Variants in TP73 observed in about 807,000 individuals in gnomAD.
The protein encoded by TP73 is tumor protein p73.
Under a neutral mutation model 62.5 loss-of-function variants are expected in TP73, and 25 were observed. That is an observed-to-expected ratio of 0.40 (90% confidence interval 0.29 to 0.56). TP73 has a LOEUF of 0.56. Ranked by LOEUF, TP73 falls within the 20% of genes least tolerant of loss-of-function variation. The probability of loss-of-function intolerance (pLI) is 0.46; values close to 1 mark genes in which losing one functional copy is unlikely to be tolerated. For synonymous variants in TP73, 423 were observed against 377.5 expected (o/e 1.12, Z -1.40); for missense variants, 754 against 913.3 (o/e 0.83, Z 2.25).
chr1:3,725,425 GGGTA>G (rs1391776237), intron 6 of TP73, among the ~76,000 whole-genome samples: 1 of 149,240 alleles, frequency 6.7e-6, no homozygotes, highest in Admixed American at 6.7e-5. Context: ...ATGGATGGAT[GGGTA>G]GGTAGGTGGG....
Position 3,701,735 on chromosome 1 carries a change from C to T in TP73, c.187-5814C>T, listed in dbSNP as rs144979625. Among the ~76,000 whole-genome samples the T allele has an allele frequency of 1.0e-3, 157 of 152,292 alleles. 1 individual carries two copies. The highest frequency in any genetic ancestry group is 3.4e-3 in the African/African-American group (141 of 41,556). ...TATTGGCTAGGCCAGTCTTGAACTCCGGACCTCAGGTGATCCGCCTGCCTC... is the reference window on the plus strand; with the variant it reads ...TATTGGCTAGGCCAGTCTTGAACTCTGGACCTCAGGTGATCCGCCTGCCTC... On this transcript the variant is annotated intron_variant, in intron 3 of 13. Transcript: ENST00000378295. The surrounding 1 kb of genome is among the most constrained non-coding windows in gnomAD (Gnocchi z 4.7).
intron 1 of TP73, among the ~76,000 whole-genome samples, chr1:3,678,854 C>G (rs1645436602): frequency 6.6e-6 from 1 of 152,238 alleles, no homozygotes; most frequent in African/African-American, 2.4e-5. Flanking sequence ...TCCGGCTGGT[C>G]CACACGCCTG....
At chr1:3,685,206 A>C (rs1168951061) in intron 3 of TP73, among the ~76,000 whole-genome samples, 3 of 152,156 alleles carry the variant, frequency 2.0e-5, no homozygotes, top group Non-Finnish European at 4.4e-5. Context: ...GGACTCAGGG[A>C]GGCAGAAGGA....
chr1:3,719,638 A>G (rs2124465425), intron 4 of TP73, among the ~76,000 whole-genome samples: 1 of 152,286 alleles, frequency 6.6e-6, no homozygotes, highest in South Asian at 2.1e-4. Flanking sequence ...AGCTGTTCCC[A>G]TGTGCCCTGG....
In TP73 at chr1:3,730,145, G is replaced by A. The variant is rs751239958; in HGVS notation, c.1342G>A (p.Val448Met). ...SSAATPNLGP[V>M]GPGMLNNHGH... ...GGCAGCTACACCCAACCTGGGGCCC[G>A]TGGGTGAGTCCCTTGGGCAGTGCGG... Residue 448 changes from valine (V) to methionine (M), a missense_variant, in exon 11 of 14, where the codon GTG (valine) becomes ATG (methionine). Val to Met is a conservative substitution (Grantham distance 21). Around this residue, in one of 3 missense-constraint regions of TP73, gnomAD observed 458 missense variants for 528.7 expected, o/e 0.87. Transcript: ENST00000378295. 3.4e-5 allele frequency: 52 copies of A among 1,550,626 alleles called. 1 individual carries two copies. The Middle Eastern group carries it at 1.4e-3, about 40-fold the overall frequency.
At chr1:3,710,396 G>C (rs116577071) in intron 4 of TP73, among the ~76,000 whole-genome samples, 2 of 152,104 alleles carry the variant, frequency 1.3e-5, no homozygotes, top group South Asian at 2.1e-4. Context: ...GCAAGTGGTC[G>C]GCTCACAGTG....
chr1:3,711,919 T>C (rs980111981), intron 4 of TP73, among the ~76,000 whole-genome samples: 2 of 151,494 alleles, frequency 1.3e-5, no homozygotes, highest in Non-Finnish European at 2.9e-5. Context: ...GCTCCACGGG[T>C]AGGAAAGCCC....
intron 5 of TP73, among the ~76,000 whole-genome samples, chr1:3,722,905 G>T (rs1641200674): frequency 7.2e-6 from 1 of 139,058 alleles, no homozygotes; most frequent in Admixed American, 7.2e-5. Flanking sequence ...TCTGCACCTA[G>T]CACAGGAGTG....
intron 4 of TP73, among the ~76,000 whole-genome samples, chr1:3,716,965 A>G (rs1373577366): frequency 6.6e-6 from 1 of 152,156 alleles, no homozygotes; most frequent in Non-Finnish European, 1.5e-5. Context: ...ACGCACACAC[A>G]AGCAAGGGAA....
intron 1 of TP73, among the ~76,000 whole-genome samples, chr1:3,665,634 G>A (rs1645093532): frequency 6.7e-6 from 1 of 150,224 alleles, no homozygotes; most frequent in African/African-American, 2.5e-5. Flanking sequence ...TGACCCCTAG[G>A]TCCTTTGGTT....
intron 1 of TP73, among the ~76,000 whole-genome samples, chr1:3,678,571 C>T (rs1025998823): frequency 5.3e-5 from 8 of 152,378 alleles, no homozygotes; most frequent in South Asian, 2.1e-4. Context: ...TCGTGGCTTC[C>T]GGTTCAAGTT....
At chr1:3,714,414 C>A (rs1410354830) in intron 4 of TP73, 1 of 152,306 alleles carries the variant, frequency 6.6e-6, no homozygotes, top group Non-Finnish European at 1.5e-5. Flanking sequence ...CTGGGTTAAT[C>A]CTGGCTTCTC....
chr1:3,695,928 G>A (rs1638613672), intron 3 of TP73, among the ~76,000 whole-genome samples: 2 of 152,386 alleles, frequency 1.3e-5, no homozygotes, highest in Non-Finnish European at 2.9e-5. Context: ...GGATATGAGG[G>A]AAGGGGTGGG....
rs1397891519 is a variant in TP73 at position 3,670,696 on chromosome 1, G to GAAAAGA, written c.-33-11625_-33-11620dup. On this transcript the variant is annotated intron_variant, in intron 1 of 13. Coordinates refer to ENST00000378295, the MANE Select transcript of TP73 (RefSeq NM_005427.4). The surrounding 1 kb of genome is among the most constrained non-coding windows in gnomAD (Gnocchi z 5.9). ...AAATAAAATAAAATAAAAAAGATAGGAAAAGAAAAAGAAAAAGTGAGGAGA... is the reference window on the plus strand; with the variant it reads ...AAATAAAATAAAATAAAAAAGATAGGAAAAGAAAAAGAAAAAGAAAAAGTGAGGAGA... 6.6e-6 allele frequency among the ~76,000 whole-genome samples: 1 copy of GAAAAGA among 152,052 alleles called. No homozygotes were observed. The highest frequency in any genetic ancestry group is 1.5e-5 in the Non-Finnish European group (1 of 68,020).
intron 3 of TP73, among the ~76,000 whole-genome samples, chr1:3,703,440 C>T (rs1014052097): frequency 6.6e-6 from 1 of 152,174 alleles, no homozygotes; most frequent in Admixed American, 6.5e-5. Flanking sequence ...AGGACGGCAC[C>T]GAGAGGGCTT....
Position 3,663,707 on chromosome 1 carries a change from A to AAAG in TP73, c.-34+11068_-34+11069insGAA, listed in dbSNP as rs1553130327. Reference sequence around the variant, plus strand: ...CGAGACTCCATCTCAAAAAAAAAAAAAAAGAAAGAAAGAAAGGATACAGAC... The same window carrying AAAG: ...CGAGACTCCATCTCAAAAAAAAAAAAAAGAAAGAAAGAAAGAAAGGATACAGAC... On this transcript the variant is annotated intron_variant, in intron 1 of 13. Coordinates refer to ENST00000378295, the MANE Select transcript of TP73 (RefSeq NM_005427.4). The surrounding 1 kb of genome is among the most constrained non-coding windows in gnomAD (Gnocchi z 4.7). 3.4e-5 allele frequency among the ~76,000 whole-genome samples: 5 copies of AAAG among 148,784 alleles called. No individual in the cohort carries two copies. Among genetic ancestry groups the AAAG allele is most frequent in the African/African-American group, 7.4e-5 (3 of 40,544 alleles).
In TP73 at chr1:3,663,725, A is replaced by G. The variant is rs1042099416; in HGVS notation, c.-34+11084A>G. ...AAAAAAAAAAAGAAAGAAAGAAAGG[A>G]TACAGACATCCTGAACCGGGGGCTG... On this transcript the variant is annotated intron_variant, in intron 1 of 13. Transcript: ENST00000378295. This position sits in a 1 kb window ranked among gnomAD's most constrained non-coding sequence, Gnocchi z 4.7. Among the ~76,000 whole-genome samples, 6 of 150,658 alleles carry G rather than the reference A, an allele frequency of 4.0e-5. No homozygotes were observed. Among genetic ancestry groups the G allele is most frequent in the African/African-American group, 1.2e-4 (5 of 41,086 alleles).
At position 3,654,632 on chromosome 1, in the gene TP73, C is replaced by A. The variant is rs187252336; in HGVS notation, c.-34+1991C>A. Among the ~76,000 whole-genome samples the A allele has an allele frequency of 6.6e-5, 10 of 152,324 alleles. No homozygotes were observed. In the East Asian group the frequency reaches 1.9e-3, roughly 29 times the overall value. Reference sequence around the variant, plus strand: ...AGAGTGCCTGGCACCCACTCAGTGTCCTCACACATGATGGCTTCGGGTCCC... The same window carrying A: ...AGAGTGCCTGGCACCCACTCAGTGTACTCACACATGATGGCTTCGGGTCCC... On this transcript the variant is annotated intron_variant, in intron 1 of 13. Coordinates refer to ENST00000378295, the MANE Select transcript of TP73 (RefSeq NM_005427.4).
intron 3 of TP73, among the ~76,000 whole-genome samples, chr1:3,706,573 T>C (rs577669077): frequency 6.6e-6 from 1 of 152,154 alleles, no homozygotes; most frequent in African/African-American, 2.4e-5. Flanking sequence ...AAGCGCTGTT[T>C]ATACATGTGC....
Sources: allele counts gnomAD v4.1 joint callset (sites outside exome capture counted in the v4.1 genomes callset), GRCh38; gene constraint gnomAD v4.1.1; regional missense constraint gnomAD v4.1.1; non-coding constraint Gnocchi (gnomAD v3.1); transcripts MANE v1.5; gene names NCBI Gene and HGNC (gene_info 2026-07-23, HGNC 2026-07-21).